GNG12: variants seen among roughly 807,000 people sequenced by gnomAD.
The protein encoded by GNG12 is guanine nucleotide-binding protein G(I)/G(S)/G(O) subunit gamma-12.
For missense variants in GNG12, 69 were observed against 83.8 expected (o/e 0.82, Z 0.69); for synonymous variants, 28 against 29.7 (o/e 0.94, Z 0.19).
At chr1:67,748,644 T>C (rs1462151727) in intron 2 of GNG12, among the ~76,000 whole-genome samples, 1 of 152,176 alleles carries the variant, frequency 6.6e-6, no homozygotes, top group Non-Finnish European at 1.5e-5. Context: ...TTTCCAGTGG[T>C]GATTTCATCT....
intron 2 of GNG12, among the ~76,000 whole-genome samples, chr1:67,774,459 G>A (rs1570536861): frequency 6.6e-6 from 1 of 152,198 alleles, no homozygotes; most frequent in South Asian, 2.1e-4. Flanking sequence ...AAACCAGATG[G>A]TGAGTGGAGG....
At chr1:67,741,712 A>G (rs1646483658) in intron 2 of GNG12, among the ~76,000 whole-genome samples, 1 of 152,256 alleles carries the variant, frequency 6.6e-6, no homozygotes, top group Admixed American at 6.5e-5. Flanking sequence ...TCAAGGAAGT[A>G]AAGTCTAAGT....
chr1:67,703,634 G>C lies in GNG12; in HGVS notation c.*1817C>G, dbSNP rs1034646978. 1.3e-5 allele frequency: 2 copies of C among 152,176 alleles called. No individual in the cohort carries two copies. The highest frequency in any genetic ancestry group is 2.9e-5 in the Non-Finnish European group (2 of 68,028). 9.4% of individuals were successfully genotyped at this position (152,176 alleles called of 1,614,324 possible). On this transcript the variant is annotated 3_prime_UTR_variant, in exon 4 of 4. Coordinates refer to ENST00000370982, the MANE Select transcript of GNG12 (RefSeq NM_018841.6). ...AAACAGGTACCTATAATTGATTTGG[G>C]AACTGGGCATATCGCAGAACGAAAA...
At chr1:67,820,538 G>A (rs1646979260) in intron 1 of GNG12, among the ~76,000 whole-genome samples, 1 of 152,140 alleles carries the variant, frequency 6.6e-6, no homozygotes, top group African/African-American at 2.4e-5. Flanking sequence ...ACTCCCAGAA[G>A]CCCATTCCTC....
At chr1:67,792,429 G>T (rs561873074) in intron 1 of GNG12, among the ~76,000 whole-genome samples, 1 of 152,230 alleles carries the variant, frequency 6.6e-6, no homozygotes, top group Admixed American at 6.5e-5. Context: ...ATAAGATAAG[G>T]CATGATTTTT....
intron 2 of GNG12, among the ~76,000 whole-genome samples, chr1:67,741,376 C>A (rs1015683886): frequency 3.3e-5 from 5 of 152,226 alleles, no homozygotes; most frequent in African/African-American, 1.2e-4. Context: ...TTCCTCCAAG[C>A]TGTTCCTCCT....
chr1:67,703,059 T>C lies in GNG12; in HGVS notation c.*2392A>G, dbSNP rs1461355749. 6.6e-6 allele frequency: 1 copy of C among 152,234 alleles called. No individual in the cohort carries two copies. Among genetic ancestry groups the C allele is most frequent in the African/African-American group, 2.4e-5 (1 of 41,458 alleles). 9.4% of individuals were successfully genotyped at this position (152,234 alleles called of 1,614,324 possible). A position where few individuals can be genotyped will look rare whatever the true frequency, so the allele number is the denominator to read the frequency against. ...TATCATATATATGTATACATATATT[T>C]TCTCACATAGACGTCTAGTTATAAG... On this transcript the variant is annotated 3_prime_UTR_variant, in exon 4 of 4. Transcript: ENST00000370982.
intron 1 of GNG12, among the ~76,000 whole-genome samples, chr1:67,795,095 C>T (rs1276303): frequency 0.7 from 105,826 of 152,108 alleles, 36,862 homozygotes; most frequent in Middle Eastern, 0.78. Flanking sequence ...AAATCTAGGA[C>T]GTGTGAATTC....
intron 1 of GNG12, among the ~76,000 whole-genome samples, chr1:67,816,254 C>T (rs1646953298): frequency 6.6e-6 from 1 of 152,168 alleles, no homozygotes; most frequent in Admixed American, 6.5e-5. Context: ...TTGCCCCACC[C>T]ACCCTAATGA....
At chr1:67,771,085 A>G (rs1646671975) in intron 2 of GNG12, among the ~76,000 whole-genome samples, 1 of 152,200 alleles carries the variant, frequency 6.6e-6, no homozygotes, top group African/African-American at 2.4e-5. Flanking sequence ...AAGTAACCAG[A>G]AAAGTCATGG....
intron 1 of GNG12, among the ~76,000 whole-genome samples, chr1:67,811,800 A>T (rs377066049): frequency 0.075 from 11,397 of 152,278 alleles, 631 homozygotes; most frequent in Non-Finnish European, 0.099. Context: ...CTCAGCAGTA[A>T]GCAGTAGACA....
At chr1:67,751,182 C>CAG (rs1275906517) in intron 2 of GNG12, among the ~76,000 whole-genome samples, 2 of 124,788 alleles carry the variant, frequency 1.6e-5, no homozygotes, top group Non-Finnish European at 3.2e-5. Flanking sequence ...GATACACATA[C>CAG]AGACACACAC....
At chr1:67,792,997 T>C (rs1280960984) in intron 1 of GNG12, among the ~76,000 whole-genome samples, 2 of 152,150 alleles carry the variant, frequency 1.3e-5, no homozygotes, top group Non-Finnish European at 2.9e-5. Context: ...CCTCTGACAT[T>C]TTCCCAGTGT....
At position 67,720,341 on chromosome 1, in the gene GNG12, T is replaced by C. The variant is rs557180472; in HGVS notation, c.-26-12629A>G. ...CATGAAGGAGTGGAACTTAGCCCCT[T>C]CTGTGCTCTGCTGGACCAGAATCCA... is the stretch of plus-strand genomic sequence containing the variant. On this transcript the variant is annotated intron_variant, in intron 2 of 3. Transcript: ENST00000370982. 2.6e-5 allele frequency among the ~76,000 whole-genome samples: 4 copies of C among 152,338 alleles called. No individual in the cohort carries two copies. In the South Asian group the frequency reaches 8.3e-4, roughly 32 times the overall value.
intron 2 of GNG12, among the ~76,000 whole-genome samples, chr1:67,733,390 C>A (rs982886355): frequency 6.6e-5 from 10 of 152,076 alleles, no homozygotes; most frequent in African/African-American, 2.2e-4. Context: ...TTCTTTCAAA[C>A]TTCCATATCC....
intron 2 of GNG12, among the ~76,000 whole-genome samples, chr1:67,714,836 C>T (rs1229062045): frequency 6.6e-6 from 1 of 152,152 alleles, no homozygotes; most frequent in Non-Finnish European, 1.5e-5. Context: ...AAATGATTGG[C>T]ATCCTTATGA....
At chr1:67,797,808 G>A (rs1235556914) in intron 1 of GNG12, among the ~76,000 whole-genome samples, 1 of 152,110 alleles carries the variant, frequency 6.6e-6, no homozygotes, top group African/African-American at 2.4e-5. Context: ...CATTTAACGA[G>A]AGAACCATCC....
At chr1:67,740,474 C>G (rs1448504167) in intron 2 of GNG12, among the ~76,000 whole-genome samples, 1 of 152,224 alleles carries the variant, frequency 6.6e-6, no homozygotes, top group Non-Finnish European at 1.5e-5. Flanking sequence ...CAGAGTTAAG[C>G]AGTTGTGATA....
chr1:67,825,894 C>T (rs1647008066), intron 1 of GNG12, among the ~76,000 whole-genome samples: 1 of 152,158 alleles, frequency 6.6e-6, no homozygotes, highest in Non-Finnish European at 1.5e-5. Flanking sequence ...GTCAACAGCA[C>T]CCAAAGTGCT....
Sources: gnomAD v4.1 joint callset for allele counts (sites outside exome capture counted in the v4.1 genomes callset) on GRCh38, gnomAD v4.1.1 for gene constraint, MANE v1.5 for transcripts, NCBI Gene and HGNC (gene_info 2026-07-23, HGNC 2026-07-21) for gene names.